The following CARMIL1 variants were observed in gnomAD, a reference collection of about 807,000 sequenced individuals.
CARMIL1 encodes the protein F-actin-uncapping protein LRRC16A.
CARMIL1 carries 90 observed loss-of-function variants against 177.1 expected under a neutral mutation model. That is an observed-to-expected ratio of 0.51 (90% CI 0.43 to 0.61). The LOEUF is 0.61. Ranked by LOEUF, CARMIL1 falls within the 20% of genes least tolerant of loss-of-function variation. The pLI is 0.00. For synonymous variants in CARMIL1, 577 were observed against 606.2 expected, an observed-to-expected ratio of 0.95 and a Z score of 0.71; for missense variants, 1,380 against 1,667.0, an observed-to-expected ratio of 0.83 and a Z score of 3.00.
chr6:25,591,367 T>C (rs1248006586), intron 31 of CARMIL1, among the ~76,000 whole-genome samples: 1 of 152,248 alleles, frequency 6.6e-6, no homozygotes, highest in Non-Finnish European at 1.5e-5. Context: ...ACCTTCTTTA[T>C]CAAATATCAG....
intron 2 of CARMIL1, among the ~76,000 whole-genome samples, chr6:25,314,093 T>C (rs981425671): frequency 2.0e-5 from 3 of 150,560 alleles, no homozygotes; most frequent in Admixed American, 6.6e-5. Flanking sequence ...AAGTCTGAAC[T>C]CTAAACTCTT....
intron 24 of CARMIL1, among the ~76,000 whole-genome samples, chr6:25,531,638 T>G (rs1252969547): frequency 6.6e-6 from 1 of 152,190 alleles, no homozygotes; most frequent in African/African-American, 2.4e-5. Flanking sequence ...TACCAGTCCC[T>G]TAAAAATCTA....
intron 2 of CARMIL1, among the ~76,000 whole-genome samples, chr6:25,377,566 A>T (rs1239646889): frequency 6.6e-6 from 1 of 152,194 alleles, no homozygotes; most frequent in African/African-American, 2.4e-5. Context: ...CAAGTATCCC[A>T]GCAGTGGGTA....
intron 31 of CARMIL1, among the ~76,000 whole-genome samples, chr6:25,584,878 G>A (rs1162468334): frequency 6.6e-6 from 1 of 152,110 alleles, no homozygotes; most frequent in East Asian, 1.9e-4. Flanking sequence ...CATATTTTGG[G>A]GTAGCATGTC....
At chr6:25,296,171 T>C (rs1782353774) in intron 2 of CARMIL1, among the ~76,000 whole-genome samples, 1 of 152,200 alleles carries the variant, frequency 6.6e-6, no homozygotes, top group South Asian at 2.1e-4. Flanking sequence ...AGTCTCATGG[T>C]CCTTCCCCAC....
At chr6:25,335,001 C>T (rs1786064293) in intron 2 of CARMIL1, among the ~76,000 whole-genome samples, 1 of 152,172 alleles carries the variant, frequency 6.6e-6, no homozygotes, top group Admixed American at 6.5e-5. Flanking sequence ...CCTGTCTTTA[C>T]AAAGGTTTCT....
intron 29 of CARMIL1, among the ~76,000 whole-genome samples, chr6:25,572,717 A>G (rs191061852): frequency 0.018 from 2,688 of 151,270 alleles, 68 homozygotes; most frequent in African/African-American, 0.056. Context: ...AAAAAAAAAA[A>G]AAAAAAAAAA....
chr6:25,468,201 TAAA>T, intron 9 of CARMIL1, among the ~76,000 whole-genome samples: 1 of 149,592 alleles, frequency 6.7e-6, no homozygotes, highest in African/African-American at 2.5e-5. Flanking sequence ...CAAGGATTTT[TAAA>T]AAAAAAAATG....
At position 25,420,121 on chromosome 6, in the gene CARMIL1, C is replaced by T. The variant is rs1795715500; in HGVS notation, c.146C>T (p.Thr49Ile). ...GCTGCTTCTGTCTTACAGGTCCTTA[C>T]ATCATGCCGAGCCTTCCTTGTAACA... ...DKVENKVLVL[T>I]SCRAFLVTAR... Residue 49 changes from threonine (T) to isoleucine (I), a missense_variant, in exon 3 of 37, where the codon ACA becomes ATA. By Grantham distance (89) the Thr-to-Ile change is moderately conservative. Coordinates refer to ENST00000329474, the MANE Select transcript of CARMIL1 (RefSeq NM_017640.6). 1 of 1,613,198 alleles carries T rather than the reference C, an allele frequency of 6.2e-7. No homozygotes were observed. Among genetic ancestry groups the T allele is most frequent in the African/African-American group, 1.3e-5 (1 of 74,912 alleles).
chr6:25,304,363 A>G (rs1460934412), intron 2 of CARMIL1, among the ~76,000 whole-genome samples: 2 of 152,216 alleles, frequency 1.3e-5, no homozygotes, highest in African/African-American at 4.8e-5. Context: ...AGGATGTCCT[A>G]TAGAACAGCC....
At chr6:25,314,639 C>T (rs1035735318) in intron 2 of CARMIL1, among the ~76,000 whole-genome samples, 2 of 146,772 alleles carry the variant, frequency 1.4e-5, no homozygotes, top group African/African-American at 5.2e-5. Context: ...CAGTATGTCA[C>T]ATATCCATGT....
intron 3 of CARMIL1, 43 bp downstream of exon 3, chr6:25,420,207 C>T: frequency 3.2e-6 from 5 of 1,566,226 alleles, no homozygotes; most frequent in Non-Finnish European, 4.4e-6. Context: ...CACACTCACT[C>T]ATACCCACTC....
At position 25,465,965 on chromosome 6, in the gene CARMIL1, G is replaced by A. The variant is rs1800561043; in HGVS notation, c.690+17G>A. 2 of 1,572,416 alleles carry A rather than the reference G, an allele frequency of 1.3e-6. No homozygotes were observed. The highest frequency in any genetic ancestry group is 2.7e-5 in the African/African-American group (2 of 73,990). On this transcript the variant is annotated intron_variant, in intron 9 of 36. Coordinates refer to ENST00000329474, the MANE Select transcript of CARMIL1 (RefSeq NM_017640.6). ...CTAAAACTGGTAAGTAATCAAACAT[G>A]CAGCAAATGTTGCTTGGCTTTGCTG...
At chr6:25,608,778 G>A (rs1012190003) in intron 35 of CARMIL1, among the ~76,000 whole-genome samples, 3 of 152,234 alleles carry the variant, frequency 2.0e-5, no homozygotes, top group Admixed American at 6.5e-5. Context: ...GTAGGCGACT[G>A]GAAGTTTAAG....
intron 2 of CARMIL1, among the ~76,000 whole-genome samples, chr6:25,322,252 A>C (rs1157576941): frequency 1.3e-5 from 2 of 152,140 alleles, no homozygotes; most frequent in Admixed American, 1.3e-4. Flanking sequence ...CGTTCTGATT[A>C]GCTGGGATTA....
At chr6:25,421,694 A>G (rs903554087) in intron 3 of CARMIL1, among the ~76,000 whole-genome samples, 2 of 67,818 alleles carry the variant, frequency 2.9e-5, no homozygotes, top group Non-Finnish European at 6.7e-5. Flanking sequence ...CTACGCAGCC[A>G]TAAAAGTGAG....
At chr6:25,302,075 C>T (rs1337885642) in intron 2 of CARMIL1, among the ~76,000 whole-genome samples, 1 of 152,126 alleles carries the variant, frequency 6.6e-6, no homozygotes. Flanking sequence ...TTGAAATCAG[C>T]ATTGTAAATC....
intron 8 of CARMIL1, among the ~76,000 whole-genome samples, chr6:25,459,275 T>TCTCTTTCTTTCTTTCTTTCTTTCTTTC (rs1272799059): frequency 7.1e-6 from 1 of 141,430 alleles, no homozygotes; most frequent in African/African-American, 2.5e-5. Context: ...TCTTTTTTTT[T>TCTCTTTCTTTCTTTCTTTCTTTCTTTC]TTTTTAAGAC....
intron 2 of CARMIL1, among the ~76,000 whole-genome samples, chr6:25,329,371 C>T (rs1003725501): frequency 1.3e-5 from 2 of 152,206 alleles, no homozygotes; most frequent in African/African-American, 2.4e-5. Flanking sequence ...TAGTGTTTCT[C>T]ATTGGCCGTG....
Sources: gnomAD v4.1 joint callset for allele counts (sites outside exome capture counted in the v4.1 genomes callset) on GRCh38, gnomAD v4.1.1 for gene constraint, MANE v1.5 for transcripts, NCBI Gene and HGNC (gene_info 2026-07-23, HGNC 2026-07-21) for gene names.